Variants in RALGPS2 observed in about 807,000 individuals in gnomAD.
RALGPS2 encodes Ral GEF with PH domain and SH3 binding motif 2.
In RALGPS2, 43 loss-of-function variants were observed where a neutral mutation model predicts 86.8. That is an observed-to-expected ratio of 0.50 (90% CI 0.39 to 0.64). RALGPS2 has a LOEUF of 0.64. Ranked by LOEUF, RALGPS2 falls within the 30% of genes least tolerant of loss-of-function variation. The pLI, the probability that RALGPS2 is intolerant of heterozygous loss-of-function variation, is 0.00. For synonymous variants in RALGPS2, 243 were observed against 231.3 expected (o/e 1.05, Z -0.46); for missense variants, 536 against 694.6 (o/e 0.77, Z 2.57).
intron 8 of RALGPS2, among the ~76,000 whole-genome samples, chr1:178,855,161 A>G (rs1657444027): frequency 6.6e-6 from 1 of 152,070 alleles, no homozygotes; most frequent in Middle Eastern, 3.2e-3. Context: ...ATACTTTGCC[A>G]GATATGTACA....
At chr1:178,801,384 TACTA>T (rs1380600099) in intron 4 of RALGPS2, among the ~76,000 whole-genome samples, 2 of 152,124 alleles carry the variant, frequency 1.3e-5, no homozygotes, top group African/African-American at 4.8e-5. Context: ...ATAATAATAA[TACTA>T]ACACTAATAC....
intron 8 of RALGPS2, among the ~76,000 whole-genome samples, chr1:178,872,426 G>T (rs1436193114): frequency 6.6e-6 from 1 of 152,166 alleles, no homozygotes; most frequent in Non-Finnish European, 1.5e-5. Context: ...GAAGTTTATG[G>T]CAAGTTGGCA....
At chr1:178,867,159 C>T (rs1190064933) in intron 8 of RALGPS2, among the ~76,000 whole-genome samples, 1 of 152,122 alleles carries the variant, frequency 6.6e-6, no homozygotes, top group Non-Finnish European at 1.5e-5. Flanking sequence ...TTAATAACAA[C>T]ACAATAACAG....
At chr1:178,759,931 A>G (rs961484932) in intron 1 of RALGPS2, among the ~76,000 whole-genome samples, 1 of 152,210 alleles carries the variant, frequency 6.6e-6, no homozygotes, top group Admixed American at 6.5e-5. Flanking sequence ...TTGTATGTTC[A>G]TTTTATACCC....
At chr1:178,839,573 G>C (rs1278680109) in intron 8 of RALGPS2, among the ~76,000 whole-genome samples, 6 of 152,218 alleles carry the variant, frequency 3.9e-5, no homozygotes, top group Non-Finnish European at 8.8e-5. Context: ...AAATTGTAGA[G>C]ACCATTGATG....
chr1:178,859,942 C>G (rs566785531), intron 8 of RALGPS2, among the ~76,000 whole-genome samples: 1 of 151,574 alleles, frequency 6.6e-6, no homozygotes, highest in Non-Finnish European at 1.5e-5. Context: ...TGGTCTCGAT[C>G]TCCTGACCTC....
At chr1:178,905,342 G>A (rs578191389) in intron 18 of RALGPS2, among the ~76,000 whole-genome samples, 3 of 152,034 alleles carry the variant, frequency 2.0e-5, no homozygotes, top group Admixed American at 6.5e-5. Flanking sequence ...ACTACTTCAG[G>A]TAGCCAAAAT....
Position 178,852,779 on chromosome 1 carries a change from G to A in RALGPS2, c.607+19229G>A, listed in dbSNP as rs140806007. ...GCATTTCCCTGGTAAGTTCCCAGGCGCAGTCTATAGAATTCACTTTCAGGT... is the reference window on the plus strand; with the variant it reads ...GCATTTCCCTGGTAAGTTCCCAGGCACAGTCTATAGAATTCACTTTCAGGT... On this transcript the variant is annotated intron_variant, in intron 8 of 19. Coordinates refer to ENST00000367635, the MANE Select transcript of RALGPS2 (RefSeq NM_152663.5). 99 of 1,613,714 alleles carry A rather than the reference G, an allele frequency of 6.1e-5. 2 individuals carry two copies. The highest frequency in any genetic ancestry group is 3.6e-4 in the South Asian group (33 of 91,062).
rs1647272091 is a variant in RALGPS2, at chr1:178,920,761, A to G, written c.*4402A>G. The G allele has an allele frequency of 1.3e-5, 2 of 152,050 alleles. No individual in the cohort carries two copies. Among genetic ancestry groups the G allele is most frequent in the East Asian group, 1.9e-4 (1 of 5,196 alleles). The allele number at this position is 152,050 out of a possible 1,614,324, so 9.4% of individuals were successfully genotyped here. ...GGCCTTTTGGAAAAGCCCTAAAAGA[A>G]TAAGATACAACCAGAAATATTTGAG... On this transcript the variant is annotated 3_prime_UTR_variant, in exon 20 of 20. Transcript: ENST00000367635.
At chr1:178,841,338 G>C (rs1453901128) in intron 8 of RALGPS2, among the ~76,000 whole-genome samples, 1 of 148,884 alleles carries the variant, frequency 6.7e-6, no homozygotes, top group Non-Finnish European at 1.5e-5. Flanking sequence ...ATGCAAGGCT[G>C]GTTCAATATA....
intron 13 of RALGPS2, among the ~76,000 whole-genome samples, chr1:178,887,988 A>T (rs1448814694): frequency 6.6e-6 from 1 of 152,170 alleles, no homozygotes; most frequent in Non-Finnish European, 1.5e-5. Flanking sequence ...ACTCTTTCTC[A>T]TAAGTGTTAT....
intron 11 of RALGPS2, 61 bp from the exon 12 acceptor site, chr1:178,885,015 T>G: frequency 6.8e-7 from 1 of 1,467,072 alleles, no homozygotes; most frequent in Non-Finnish European, 9.1e-7. Context: ...TTTAATATTT[T>G]CTTTCAAGGG....
chr1:178,801,067 C>T (rs1654447276), intron 4 of RALGPS2, among the ~76,000 whole-genome samples: 1 of 152,038 alleles, frequency 6.6e-6, no homozygotes. Flanking sequence ...GCTGGGATTA[C>T]AGGCATATGC....
intron 5 of RALGPS2, among the ~76,000 whole-genome samples, chr1:178,810,593 C>T (rs1367076932): frequency 1.3e-5 from 2 of 150,110 alleles, no homozygotes; most frequent in Non-Finnish European, 3.0e-5. Flanking sequence ...CTTTTAGTAG[C>T]CCAAGTATAG....
intron 6 of RALGPS2, among the ~76,000 whole-genome samples, chr1:178,818,796 T>G (rs1321834876): frequency 6.6e-6 from 1 of 151,986 alleles, no homozygotes; most frequent in Non-Finnish European, 1.5e-5. Flanking sequence ...AGGCTGTTGG[T>G]TTTTTTTACT....
chr1:178,776,703 G>A lies in RALGPS2; in HGVS notation c.-62G>A. The A allele has an allele frequency of 8.0e-7, 1 of 1,243,338 alleles. No individual in the cohort carries two copies. The highest frequency in any genetic ancestry group is 1.1e-6 in the Non-Finnish European group (1 of 880,654). The allele number at this position is 1,243,338 out of a possible 1,614,324, so 77.0% of individuals were successfully genotyped here. A position where few individuals can be genotyped will look rare whatever the true frequency, so the allele number is the denominator to read the frequency against. On this transcript the variant is annotated 5_prime_UTR_variant, in exon 2 of 20. The change creates a premature stop within an existing upstream ORF in the 5' untranslated region. Transcript: ENST00000367635. ...ACAGGAATAATGTATTTGTGGCCTT[G>A]GACATGAGGCAGTCAGTCCTCTGTT...
chr1:178,860,881 C>A (rs1418104955), intron 8 of RALGPS2, among the ~76,000 whole-genome samples: 1 of 152,142 alleles, frequency 6.6e-6, no homozygotes, highest in Admixed American at 6.5e-5. Flanking sequence ...TGTGCAAGCA[C>A]CTAAACAGCC....
intron 1 of RALGPS2, among the ~76,000 whole-genome samples, chr1:178,761,171 C>T (rs368358434): frequency 7.2e-5 from 11 of 151,960 alleles, no homozygotes; most frequent in Admixed American, 3.3e-4. Flanking sequence ...GACAGGGTTT[C>T]GGCCACGTTT....
intron 1 of RALGPS2, among the ~76,000 whole-genome samples, chr1:178,754,131 G>A (rs951784848): frequency 6.6e-6 from 1 of 152,014 alleles, no homozygotes; most frequent in African/African-American, 2.4e-5. Context: ...CCTGCAGGTT[G>A]AAGGTTTTTA....
Sources: gnomAD v4.1 joint callset for allele counts (sites outside exome capture counted in the v4.1 genomes callset) on GRCh38, gnomAD v4.1.1 for gene constraint, MANE v1.5 for transcripts, NCBI Gene and HGNC (gene_info 2026-07-23, HGNC 2026-07-21) for gene names.